Variants in PXDNL observed in about 807,000 individuals in gnomAD.
The protein encoded by PXDNL is peroxidasin like.
A neutral mutation model predicts 150.8 loss-of-function variants in PXDNL; 145 were observed. The ratio of observed to expected loss-of-function variants is 0.96; its 90% confidence interval spans 0.84 to 1.10. PXDNL has a LOEUF of 1.10. PXDNL is among the 50% of genes least tolerant of loss of function. The pLI is 0.00. For missense variants in PXDNL, 2,087 were observed against 1,873.9 expected (o/e 1.11, Z -2.10); for synonymous variants, 757 against 725.7 (o/e 1.04, Z -0.69).
intron 6 of PXDNL, among the ~76,000 whole-genome samples, chr8:51,479,630 G>A (rs537916033): frequency 6.6e-6 from 1 of 152,294 alleles, no homozygotes; most frequent in African/African-American, 2.4e-5. Context: ...AATGTCTCAT[G>A]TTTTCAAGCT....
chr8:51,372,110 T>C (rs1353313513), intron 18 of PXDNL, 29 bp from the exon 19 acceptor site: 1 of 1,513,988 alleles, frequency 6.6e-7, no homozygotes, highest in Non-Finnish European at 9.0e-7. Context: ...AAAAACATTG[T>C]CGTGGGTCTG....
chr8:51,564,543 A>T (rs568290455), intron 3 of PXDNL, among the ~76,000 whole-genome samples: 1 of 151,682 alleles, frequency 6.6e-6, no homozygotes, highest in South Asian at 2.1e-4. Context: ...AAGTAGGCAC[A>T]CTGGTGCCTA....
chr8:51,382,286 GGATTCTCTCCTCCA>G (rs1807572352), intron 17 of PXDNL, among the ~76,000 whole-genome samples: 2 of 142,226 alleles, frequency 1.4e-5, no homozygotes, highest in Non-Finnish European at 3.1e-5. Context: ...GAAAAGCAAA[GGATTCTCTCCTCCA>G]AGGTCCTGAG....
intron 1 of PXDNL, among the ~76,000 whole-genome samples, chr8:51,777,708 C>G (rs558896299): frequency 5.3e-5 from 8 of 152,164 alleles, no homozygotes; most frequent in Non-Finnish European, 1.0e-4. Flanking sequence ...TCTGAGACCA[C>G]CCTGGCCAAC....
At chr8:51,451,232 G>T (rs897427125) in intron 10 of PXDNL, among the ~76,000 whole-genome samples, 1 of 151,914 alleles carries the variant, frequency 6.6e-6, no homozygotes, top group African/African-American at 2.4e-5. Flanking sequence ...TAAACTTCAC[G>T]TGTTCTCACT....
At chr8:51,565,448 A>T (rs1205060140) in intron 3 of PXDNL, among the ~76,000 whole-genome samples, 1 of 151,894 alleles carries the variant, frequency 6.6e-6, no homozygotes, top group Non-Finnish European at 1.5e-5. Flanking sequence ...TCAACAGCTG[A>T]TGCAGGTATC....
chr8:51,526,065 T>C (rs535570923), intron 4 of PXDNL, among the ~76,000 whole-genome samples: 3 of 152,340 alleles, frequency 2.0e-5, no homozygotes, highest in East Asian at 3.9e-4. Context: ...CTCACCGAAA[T>C]GAAAATGTCA....
intron 3 of PXDNL, among the ~76,000 whole-genome samples, chr8:51,567,390 G>A (rs1812851604): frequency 6.6e-6 from 1 of 151,768 alleles, no homozygotes; most frequent in South Asian, 2.1e-4. Flanking sequence ...AACTATCATA[G>A]TCGATTCCTC....
intron 5 of PXDNL, among the ~76,000 whole-genome samples, chr8:51,496,921 T>G (rs1327123033): frequency 6.6e-6 from 1 of 152,080 alleles, no homozygotes; most frequent in Non-Finnish European, 1.5e-5. Flanking sequence ...CTTCACAGAA[T>G]TGGAAAAAAC....
At chr8:51,412,040 T>G (rs1195397043) in intron 15 of PXDNL, among the ~76,000 whole-genome samples, 2 of 152,208 alleles carry the variant, frequency 1.3e-5, no homozygotes. Flanking sequence ...ATTTATCTTG[T>G]ATCCCAAATA....
intron 4 of PXDNL, among the ~76,000 whole-genome samples, chr8:51,502,258 G>T (rs936923547): frequency 2.0e-5 from 3 of 152,176 alleles, no homozygotes; most frequent in South Asian, 2.1e-4. Flanking sequence ...AGCAGCAAGT[G>T]GGGGGCGGCC....
At chr8:51,402,263 C>T (rs1808275051) in intron 17 of PXDNL, among the ~76,000 whole-genome samples, 1 of 152,170 alleles carries the variant, frequency 6.6e-6, no homozygotes, top group Non-Finnish European at 1.5e-5. Flanking sequence ...GGCACGATGG[C>T]TCACATCTGT....
rs1216008909 is a variant in PXDNL, at chr8:51,608,853, A to G, written c.237-16155T>C. ...CTCTGTCTCAAAAAAAAAAAAAAAAAAAAAAAGAAAGTATTGCATTGAGTG... is the reference window on the plus strand; with the variant it reads ...CTCTGTCTCAAAAAAAAAAAAAAAAGAAAAAAGAAAGTATTGCATTGAGTG... On this transcript the variant is annotated intron_variant, in intron 2 of 22. Transcript: ENST00000356297. 7.6e-5 allele frequency among the ~76,000 whole-genome samples: 11 copies of G among 144,688 alleles called. No homozygotes were observed. The South Asian group carries it at 1.5e-3, about 19-fold the overall frequency. 94.9% of individuals were successfully genotyped at this position (144,688 alleles called of 152,430 possible).
chr8:51,568,893 T>A (rs1360197224), intron 3 of PXDNL, among the ~76,000 whole-genome samples: 1 of 151,912 alleles, frequency 6.6e-6, no homozygotes, highest in Non-Finnish European at 1.5e-5. Context: ...GGTGGGCCCA[T>A]CAAAGTCATT....
chr8:51,660,265 C>T (rs1316648348), intron 1 of PXDNL, among the ~76,000 whole-genome samples: 2 of 152,122 alleles, frequency 1.3e-5, no homozygotes, highest in East Asian at 3.9e-4. Flanking sequence ...AAATGTGATC[C>T]TTTTGAAATA....
intron 3 of PXDNL, among the ~76,000 whole-genome samples, chr8:51,581,513 A>ATAAATAAATAAATAAATAAATAAATAAT (rs538220379): frequency 5.8e-4 from 88 of 151,990 alleles, no homozygotes; most frequent in African/African-American, 1.9e-3. Context: ...AAATAAATAA[A>ATAAATAAATAAATAAATAAATAAATAAT]TTTTAAAAAT....
Position 51,646,172 on chromosome 8 carries a change from T to G in PXDNL, c.236+8517A>C, listed in dbSNP as rs967742873. 1.4e-4 allele frequency among the ~76,000 whole-genome samples: 21 copies of G among 152,162 alleles called. 1 individual carries two copies. On this transcript the variant is annotated intron_variant, in intron 2 of 22. Coordinates refer to ENST00000356297, the MANE Select transcript of PXDNL (RefSeq NM_144651.5). The stretch of plus-strand genomic sequence containing the variant: ...AAGTGAAGTCTTAAGGACACTGCCC[T>G]GATCCAGTGACACTGGTGTCCTTAT...
chr8:51,809,278 G>A lies in PXDNL; in HGVS notation c.67C>T (p.Pro23Ser). 1 of 1,596,402 alleles carries A rather than the reference G, an allele frequency of 6.3e-7. No homozygotes were observed. The highest frequency in any genetic ancestry group is 8.5e-7 in the Non-Finnish European group (1 of 1,171,426). Reference sequence around the variant, plus strand: ...AAGCAAAGGCACCGGCTGGGGCAGGGCAACCCTGGCAGGCACCACCCGGCC... The same window carrying A: ...AAGCAAAGGCACCGGCTGGGGCAGGACAACCCTGGCAGGCACCACCCGGCC... ...LLAGWCLPGL[P>S]CPSRCLCFKS... is the part of the protein sequence containing the mutation. Residue 23 changes from proline to serine, a missense_variant, in exon 1 of 23, where the codon CCC becomes TCC. Physicochemically the swap from Pro to Ser is moderately conservative, Grantham distance 74. Transcript: ENST00000356297.
chr8:51,614,081 C>A (rs1024638320), intron 2 of PXDNL, among the ~76,000 whole-genome samples: 1 of 152,168 alleles, frequency 6.6e-6, no homozygotes, highest in Non-Finnish European at 1.5e-5. Context: ...AAGTGAACAG[C>A]TATTTTCATG....
Sources: gnomAD v4.1 joint callset for allele counts (sites outside exome capture counted in the v4.1 genomes callset) on GRCh38, gnomAD v4.1.1 for gene constraint, MANE v1.5 for transcripts, NCBI Gene and HGNC (gene_info 2026-07-23, HGNC 2026-07-21) for gene names.